Variants in CDYL2 observed in about 807,000 individuals in gnomAD.
CDYL2 encodes chromodomain Y-like protein 2.
In CDYL2, 23 loss-of-function variants were observed where a neutral mutation model predicts 49.4. That is an observed-to-expected ratio of 0.47 (90% confidence interval 0.34 to 0.66). The LOEUF (loss-of-function observed/expected upper bound fraction) is 0.66, where lower values mean the gene tolerates loss of function less well. Among genes scored for constraint, CDYL2 ranks in the 30% least tolerant of loss-of-function variants. The pLI, the probability that CDYL2 is intolerant of heterozygous loss-of-function variation, is 0.01. For missense variants in CDYL2, 678 were observed against 656.4 expected, an observed-to-expected ratio of 1.03 and a Z score of -0.36; for synonymous variants, 360 against 268.8, an observed-to-expected ratio of 1.34 and a Z score of -3.32.
intron 2 of CDYL2, among the ~76,000 whole-genome samples, chr16:80,665,846 C>A (rs1909240076): frequency 6.6e-6 from 1 of 152,220 alleles, no homozygotes; most frequent in Admixed American, 6.5e-5. Flanking sequence ...ACAGAGTCCA[C>A]TGTCCTGCAA....
At chr16:80,771,016 C>A (rs1445389761) in intron 1 of CDYL2, among the ~76,000 whole-genome samples, 1 of 152,180 alleles carries the variant, frequency 6.6e-6, no homozygotes, top group East Asian at 1.9e-4. Context: ...AGGCTGCACT[C>A]TAGGAGTAAG....
chr16:80,752,833 G>A (rs910897072), intron 1 of CDYL2, among the ~76,000 whole-genome samples: 1 of 152,188 alleles, frequency 6.6e-6, no homozygotes, highest in African/African-American at 2.4e-5. Flanking sequence ...GGAACAAGAT[G>A]TGCACAATCA....
At chr16:80,622,718 AG>A (rs1907135210) in intron 3 of CDYL2, among the ~76,000 whole-genome samples, 1 of 152,152 alleles carries the variant, frequency 6.6e-6, no homozygotes, top group Non-Finnish European at 1.5e-5. Context: ...AGCTTTTACA[AG>A]GCCAACTCAA....
intron 3 of CDYL2, among the ~76,000 whole-genome samples, chr16:80,631,961 A>G (rs141795207): frequency 1.3e-5 from 2 of 152,364 alleles, no homozygotes; most frequent in East Asian, 1.9e-4. Flanking sequence ...TGGGGGACCC[A>G]CTGTGGAAAA....
At chr16:80,675,008 A>T (rs1193253684) in intron 2 of CDYL2, among the ~76,000 whole-genome samples, 1 of 151,506 alleles carries the variant, frequency 6.6e-6, no homozygotes, top group Non-Finnish European at 1.5e-5. Context: ...ACATGCATAC[A>T]TGTGTGTGTG....
intron 1 of CDYL2, among the ~76,000 whole-genome samples, chr16:80,713,117 G>T (rs770085383): frequency 6.6e-6 from 1 of 152,174 alleles, no homozygotes; most frequent in African/African-American, 2.4e-5. Flanking sequence ...GTTCCTTGAC[G>T]GTATGGCCCA....
intron 2 of CDYL2, among the ~76,000 whole-genome samples, chr16:80,636,537 T>C (rs924432089): frequency 2.6e-5 from 4 of 152,152 alleles, no homozygotes; most frequent in African/African-American, 9.7e-5. Context: ...ATGGAGATCA[T>C]TAAGAAGTCA....
At chr16:80,610,891 G>C (rs1906565472) in intron 5 of CDYL2, among the ~76,000 whole-genome samples, 1 of 152,132 alleles carries the variant, frequency 6.6e-6, no homozygotes, top group Non-Finnish European at 1.5e-5. Context: ...GGCAGACCTT[G>C]CTGAGGCAGG....
In CDYL2 at chr16:80,602,331, T is replaced by C. The variant is rs1297070789; in HGVS notation, c.*2057A>G. The C allele has an allele frequency of 6.6e-6, 1 of 152,080 alleles. No individual in the cohort carries two copies. The highest frequency in any genetic ancestry group is 2.1e-4 in the South Asian group (1 of 4,810). The allele number at this position is 152,080 out of a possible 1,614,324, so 9.4% of individuals were successfully genotyped here. A position where few individuals can be genotyped will look rare whatever the true frequency, so the allele number is the denominator to read the frequency against. Reference sequence around the variant, plus strand: ...AGGGGAGGGTGCACAGGACTTTAATTCCATCCTCCTCTGGCTGAAGGAGAG... The same window carrying C: ...AGGGGAGGGTGCACAGGACTTTAATCCCATCCTCCTCTGGCTGAAGGAGAG... On this transcript the variant is annotated 3_prime_UTR_variant, in exon 7 of 7. Coordinates refer to ENST00000570137, the MANE Select transcript of CDYL2 (RefSeq NM_152342.4).
rs941082263 is a variant in CDYL2 at position 80,685,148 on chromosome 16, G to A, written c.25-19C>T. 1 of 1,579,694 alleles carries A rather than the reference G, an allele frequency of 6.3e-7. No homozygotes were observed. The highest frequency in any genetic ancestry group is 2.2e-5 in the East Asian group (1 of 44,672). On this transcript the variant is annotated intron_variant, in intron 1 of 6. Transcript: ENST00000570137. Reference sequence around the variant, plus strand: ...TTTCAACCTGCGATACAAGATGAGAGGGTCAGAAAACAGAGAGAGAGGGAG... The same window carrying A: ...TTTCAACCTGCGATACAAGATGAGAAGGTCAGAAAACAGAGAGAGAGGGAG...
chr16:80,737,510 T>C (rs1905577724), intron 1 of CDYL2, among the ~76,000 whole-genome samples: 1 of 152,230 alleles, frequency 6.6e-6, no homozygotes, highest in Non-Finnish European at 1.5e-5. Context: ...AACTGTACCT[T>C]GCTCTAGGTA....
At chr16:80,654,278 G>A (rs1366136780) in intron 2 of CDYL2, among the ~76,000 whole-genome samples, 1 of 152,188 alleles carries the variant, frequency 6.6e-6, no homozygotes, top group Non-Finnish European at 1.5e-5. Context: ...CCCTCCTAAG[G>A]AAGATTACTG....
In CDYL2 at chr16:80,612,629, C is replaced by A. The variant is rs776801095; in HGVS notation, c.1215G>T (p.Ala405=). 1 of 1,603,902 alleles carries A rather than the reference C, an allele frequency of 6.2e-7. No individual in the cohort carries two copies. The change falls in exon 5 of 7, where the codon GCG becomes GCT. Residue 405 remains alanine (A), a synonymous_variant. Transcript: ENST00000570137. The surrounding 1 kb of genome is among the most constrained non-coding windows in gnomAD (Gnocchi z 5.0). ...SYTFPQILGV[A]LANEMLFCGR... ...CCAGGTATCACAGGAGGCTTACCAG[C>A]GCGACGCCCAGGATCTGGGGGAAGG...
At chr16:80,637,054 G>A (rs1406444867) in intron 2 of CDYL2, among the ~76,000 whole-genome samples, 2 of 152,242 alleles carry the variant, frequency 1.3e-5, no homozygotes, top group South Asian at 4.1e-4. Flanking sequence ...GGCTTGTCTG[G>A]GGGTGGAGTG....
At chr16:80,759,432 C>G (rs1179693165) in intron 1 of CDYL2, among the ~76,000 whole-genome samples, 2 of 151,980 alleles carry the variant, frequency 1.3e-5, no homozygotes, top group African/African-American at 4.8e-5. Flanking sequence ...ACGAACTGAA[C>G]TCAAATGTGT....
At chr16:80,788,716 T>C (rs897661896) in intron 1 of CDYL2, among the ~76,000 whole-genome samples, 2 of 152,172 alleles carry the variant, frequency 1.3e-5, no homozygotes, top group Admixed American at 6.5e-5. Context: ...GTGAATTAAT[T>C]TATGAATCAT....
At chr16:80,634,887 T>C (rs1398132427) in intron 2 of CDYL2, among the ~76,000 whole-genome samples, 1 of 152,180 alleles carries the variant, frequency 6.6e-6, no homozygotes, top group Non-Finnish European at 1.5e-5. Context: ...CAAAGAATTA[T>C]ACCAAACATT....
intron 1 of CDYL2, among the ~76,000 whole-genome samples, chr16:80,793,296 T>C (rs868172942): frequency 1.3e-5 from 2 of 152,226 alleles, no homozygotes; most frequent in Non-Finnish European, 2.9e-5. Context: ...TAACAGAGAA[T>C]GGCCACTCTC....
In CDYL2 at chr16:80,602,436, C is replaced by A. The variant is rs1219283119; in HGVS notation, c.*1952G>T. 1.3e-5 allele frequency: 2 copies of A among 152,166 alleles called. No individual in the cohort carries two copies. The highest frequency in any genetic ancestry group is 4.8e-5 in the African/African-American group (2 of 41,426). The allele number at this position is 152,166 out of a possible 1,614,324, so 9.4% of individuals were successfully genotyped here. On this transcript the variant is annotated 3_prime_UTR_variant, in exon 7 of 7. Transcript: ENST00000570137. ...GAGGGAACCAAGGTCATCAGAAGGA[C>A]CAGCAGTCCAGATTAACTTGAGGGT...
Sources: gnomAD v4.1 joint callset for allele counts (sites outside exome capture counted in the v4.1 genomes callset) on GRCh38, gnomAD v4.1.1 for gene constraint, Gnocchi (gnomAD v3.1) non-coding constraint, MANE v1.5 for transcripts, NCBI Gene and HGNC (gene_info 2026-07-23, HGNC 2026-07-21) for gene names.